ASCC3: variants seen among roughly 807,000 people sequenced by gnomAD.
ASCC3 encodes the protein activating signal cointegrator 1 complex subunit 3, also known as ASC-1 complex subunit P200.
ASCC3 carries 158 observed loss-of-function variants against 256.3 expected under a neutral mutation model. The observed-to-expected ratio is 0.62, with a 90% confidence interval of 0.54 to 0.70. ASCC3 has a LOEUF of 0.70. ASCC3 is among the 30% of genes least tolerant of loss of function. The pLI, the probability that ASCC3 is intolerant of heterozygous loss-of-function variation, is 0.00. For missense variants in ASCC3, 2,259 were observed against 2,626.0 expected, an observed-to-expected ratio of 0.86 and a Z score of 3.05; for synonymous variants, 948 against 883.4, an observed-to-expected ratio of 1.07 and a Z score of -1.30.
At position 100,570,177 on chromosome 6, in the gene ASCC3, T is replaced by A. The variant is rs536210891; in HGVS notation, c.5550+19457A>T. On this transcript the variant is annotated intron_variant, in intron 36 of 41. Transcript: ENST00000369162. ...AATCATTTGTTGGTTTTAATATTCTTCTGGTGAAGTCTTTAGGGTTTTCTA... is the reference window on the plus strand; with the variant it reads ...AATCATTTGTTGGTTTTAATATTCTACTGGTGAAGTCTTTAGGGTTTTCTA... Among the ~76,000 whole-genome samples the A allele has an allele frequency of 2.3e-3, 356 of 152,312 alleles. 2 individuals are homozygous for A. Among genetic ancestry groups the A allele is most frequent in the Middle Eastern group, 3.4e-3 (1 of 294 alleles).
Position 100,601,883 on chromosome 6 carries a change from T to C in ASCC3, c.5230A>G (p.Ile1744Val), listed in dbSNP as rs62422678. ...TCCAATGCATCTTGCTTAGATGTAA[T>C]TGTACCACCAGCAATCTCTGCATTT... is the stretch of plus-strand genomic sequence containing the variant. Reference protein sequence around the residue: ...HLNAEIAGGTITSKQDALDYI... With the variant: ...HLNAEIAGGTVTSKQDALDYI... Residue 1744 changes from isoleucine to valine, a missense_variant, in exon 34 of 42, where the codon ATT (isoleucine) becomes GTT (valine). Ile to Val is a conservative substitution (Grantham distance 29). Coordinates refer to ENST00000369162, the MANE Select transcript of ASCC3 (RefSeq NM_006828.4). 6.8e-6 allele frequency: 11 copies of C among 1,612,588 alleles called. No individual in the cohort carries two copies. The highest frequency in any genetic ancestry group is 1.3e-5 in the African/African-American group (1 of 74,880).
chr6:100,666,581 G>T (rs534753176), intron 14 of ASCC3, among the ~76,000 whole-genome samples: 2 of 152,114 alleles, frequency 1.3e-5, no homozygotes, highest in Non-Finnish European at 2.9e-5. Context: ...AACAGTTAAT[G>T]ATGTTAAACA....
chr6:100,688,225 G>C (rs896660552), intron 13 of ASCC3, among the ~76,000 whole-genome samples: 2 of 150,974 alleles, frequency 1.3e-5, no homozygotes, highest in Non-Finnish European at 2.9e-5. Context: ...AATTGTAATT[G>C]ATAGGACAGA....
In ASCC3 at chr6:100,655,812, G is replaced by T; in HGVS notation, c.2710C>A (p.Leu904Met). Reference sequence around the variant, plus strand: ...TCTTCCACATTAGTAACTGTTCCCAGAGCAATCTGCAAATCAAAAAGATGA... The same window carrying T: ...TCTTCCACATTAGTAACTGTTCCCATAGCAATCTGCAAATCAAAAAGATGA... Reference protein sequence around the residue: ...LADNLNAEIALGTVTNVEEAV... With the variant: ...LADNLNAEIAMGTVTNVEEAV... The change falls in exon 17 of 42, where the codon CTG (leucine) becomes ATG (methionine). Residue 904 changes from leucine to methionine, a missense_variant. Leu to Met is a conservative substitution (Grantham distance 15, BLOSUM62 2). This residue lies in a region of ASCC3 where 1,839 missense variants were observed against 2,206.7 expected (regional missense o/e 0.83). Transcript: ENST00000369162. The T allele has an allele frequency of 6.2e-7, 1 of 1,610,854 alleles. No homozygotes were observed. The highest frequency in any genetic ancestry group is 8.5e-7 in the Non-Finnish European group (1 of 1,178,838).
intron 13 of ASCC3, among the ~76,000 whole-genome samples, chr6:100,698,112 C>T (rs1311780999): frequency 2.0e-5 from 3 of 152,072 alleles, no homozygotes; most frequent in Non-Finnish European, 4.4e-5. Flanking sequence ...ACTGAATACA[C>T]TTCAAAGATA....
At chr6:100,551,171 T>C (rs1769280824) in intron 36 of ASCC3, among the ~76,000 whole-genome samples, 1 of 151,970 alleles carries the variant, frequency 6.6e-6, no homozygotes, top group South Asian at 2.1e-4. Context: ...AAGGTCTTAC[T>C]GGGCTGGGTA....
intron 39 of ASCC3, among the ~76,000 whole-genome samples, chr6:100,514,125 C>A (rs1773907463): frequency 6.6e-6 from 1 of 152,054 alleles, no homozygotes; most frequent in Non-Finnish European, 1.5e-5. Context: ...AAATTCAATG[C>A]AAATTTTCAA....
At chr6:100,788,917 T>C (rs1165857750) in intron 8 of ASCC3, among the ~76,000 whole-genome samples, 1 of 151,946 alleles carries the variant, frequency 6.6e-6, no homozygotes, top group East Asian at 1.9e-4. Flanking sequence ...AATGTTGTTT[T>C]TGATTGTGTT....
chr6:100,628,101 AACAAAAAAAAAG>A (rs1774338468), intron 27 of ASCC3, 114 bp from the exon 28 acceptor site: 74 of 1,149,542 alleles, frequency 6.4e-5, no homozygotes, highest in Non-Finnish European at 8.0e-5. Context: ...CAAAAAAAAA[AACAAAAAAAAAG>A]CTAAAGCTAG....
chr6:100,661,123 T>A (rs1776173563), intron 16 of ASCC3, among the ~76,000 whole-genome samples: 1 of 151,738 alleles, frequency 6.6e-6, no homozygotes, highest in Non-Finnish European at 1.5e-5. Context: ...ATTGTTTGAG[T>A]CAACTTTAAA....
chr6:100,855,307 G>A (rs1362636091), intron 3 of ASCC3, among the ~76,000 whole-genome samples: 1 of 151,952 alleles, frequency 6.6e-6, no homozygotes, highest in Non-Finnish European at 1.5e-5. Context: ...TGTAGAGATG[G>A]GGTTTCACCA....
chr6:100,684,802 C>CTTTTTTT (rs34237443), intron 13 of ASCC3, among the ~76,000 whole-genome samples: 2 of 94,716 alleles, frequency 2.1e-5, no homozygotes, highest in Admixed American at 1.3e-4. Context: ...GAATCAAACT[C>CTTTTTTT]TTTTTTTTTT....
In ASCC3 at chr6:100,633,766, C is replaced by A. The variant is rs112312970; in HGVS notation, c.4123-2553G>T. Among the ~76,000 whole-genome samples the A allele has an allele frequency of 5.3e-5, 8 of 151,006 alleles. 1 individual carries two copies. The highest frequency in any genetic ancestry group is 1.9e-4 in the African/African-American group (8 of 41,174). Reference sequence around the variant, plus strand: ...GCTCATGCCTGTAATCCCAGCTACTCGGGAGACTGAGGCAGAAGAATCGCT... The same window carrying A: ...GCTCATGCCTGTAATCCCAGCTACTAGGGAGACTGAGGCAGAAGAATCGCT... On this transcript the variant is annotated intron_variant, in intron 25 of 41. Transcript: ENST00000369162.
chr6:100,821,795 G>T (rs997392496), intron 4 of ASCC3, among the ~76,000 whole-genome samples: 7 of 151,868 alleles, frequency 4.6e-5, no homozygotes, highest in African/African-American at 1.7e-4. Context: ...CTGTACCCCA[G>T]CCTGGATGAC....
At chr6:100,829,309 G>A (rs549408514) in intron 4 of ASCC3, among the ~76,000 whole-genome samples, 18 of 151,864 alleles carry the variant, frequency 1.2e-4, no homozygotes, top group East Asian at 3.9e-4. Context: ...GGCTCCGGCC[G>A]CACAGGAACC....
At chr6:100,664,398 T>C (rs76054747) in intron 14 of ASCC3, among the ~76,000 whole-genome samples, 4,581 of 152,218 alleles carry the variant, frequency 0.03, 77 homozygotes, top group African/African-American at 0.055. Context: ...AAGAAAATAG[T>C]ATTCCATGAA....
intron 8 of ASCC3, among the ~76,000 whole-genome samples, chr6:100,788,098 A>C (rs1769178922): frequency 6.6e-6 from 1 of 152,046 alleles, no homozygotes; most frequent in Non-Finnish European, 1.5e-5. Flanking sequence ...TATTCAGACT[A>C]CACAAAGAAG....
chr6:100,799,369 C>T, intron 7 of ASCC3, 62 bp downstream of exon 7: 1 of 1,576,624 alleles, frequency 6.3e-7, no homozygotes, highest in Non-Finnish European at 8.7e-7. Context: ...CAGGGAAAAT[C>T]CACACATCAT....
intron 25 of ASCC3, among the ~76,000 whole-genome samples, chr6:100,632,099 AT>A (rs1044385839): frequency 1.5e-4 from 23 of 151,490 alleles, no homozygotes; most frequent in Admixed American, 1.3e-3. Flanking sequence ...AACTGTTAGA[AT>A]TAATAAACAA....
Sources: allele counts gnomAD v4.1 joint callset (sites outside exome capture counted in the v4.1 genomes callset), GRCh38; gene constraint gnomAD v4.1.1; regional missense constraint gnomAD v4.1.1; transcripts MANE v1.5; gene names NCBI Gene and HGNC (gene_info 2026-07-23, HGNC 2026-07-21).